The following COX11 variants were observed in gnomAD, a reference collection of about 807,000 sequenced individuals.
The protein encoded by COX11 is cytochrome c oxidase copper chaperone COX11.
A neutral mutation model predicts 29.4 loss-of-function variants in COX11; 18 were observed. The observed-to-expected ratio is 0.61, with a 90% CI of 0.42 to 0.91. COX11 has a LOEUF of 0.91. Ranked by LOEUF, COX11 falls within the 40% of genes least tolerant of loss-of-function variation. COX11 has a pLI of 0.00. For synonymous variants in COX11, 131 were observed against 124.0 expected (o/e 1.06, Z -0.38); for missense variants, 312 against 346.0 (o/e 0.90, Z 0.78).
At chr17:54,952,414 G>A (rs1352112271) in exon 1 of COX11, 1 of 152,008 alleles carries the variant, frequency 6.6e-6, no homozygotes, top group Non-Finnish European at 1.5e-5. Context: ...AGGTGTGGTG[G>A]TGCGCACCTG....
At chr17:54,954,957 G>GCTGTATTA (rs1444945896) in exon 1 of COX11, 1 of 152,170 alleles carries the variant, frequency 6.6e-6, no homozygotes. Flanking sequence ...CTGGAGCCAG[G>GCTGTATTA]CTGTATTACA....
exon 1 of COX11, chr17:54,953,507 G>C (rs1052503684): frequency 6.6e-6 from 1 of 152,320 alleles, no homozygotes; most frequent in Non-Finnish European, 1.5e-5. Context: ...CAGTTACAGG[G>C]AACAGGTACC....
rs2077146951 is a variant in COX11, at chr17:54,962,450, C to T, written c.*283G>A. ...AAGGGAATTATGGAATTAAGCTGAA[C>T]CCATGCCTGCATATTTAAAAAACAA... On this transcript the variant is annotated 3_prime_UTR_variant, in exon 4 of 4. Coordinates refer to ENST00000299335, the MANE Select transcript of COX11 (RefSeq NM_004375.5). 9.5e-7 allele frequency: 1 copy of T among 1,048,752 alleles called. No individual in the cohort carries two copies. The highest frequency in any genetic ancestry group is 5.5e-5 in the Admixed American group (1 of 18,132). 65.0% of individuals were successfully genotyped at this position (1,048,752 alleles called of 1,614,324 possible). A position where few individuals can be genotyped will look rare whatever the true frequency, so the allele number is the denominator to read the frequency against.
chr17:54,953,803 T>C (rs1212801651), exon 1 of COX11: 1 of 152,186 alleles, frequency 6.6e-6, no homozygotes, highest in Non-Finnish European at 1.5e-5. Flanking sequence ...AGTATGTGGA[T>C]TTATTGCCAC....
chr17:54,968,231 A>AC (rs761386270), intron 1 of COX11, 50 bp downstream of exon 1: 11 of 1,579,830 alleles, frequency 7.0e-6, no homozygotes, highest in Non-Finnish European at 3.4e-6. Context: ...TTTGTCTTGC[A>AC]CCCCCACCTC....
downstream of COX11, chr17:54,957,898 C>T (rs1262928695): frequency 1.3e-5 from 2 of 152,160 alleles, no homozygotes; most frequent in Non-Finnish European, 2.9e-5. Flanking sequence ...AGAAATTAGA[C>T]AAACCACCAA....
intron 1 of COX11, among the ~76,000 whole-genome samples, chr17:54,967,901 G>A (rs933025631): frequency 3.9e-5 from 6 of 151,920 alleles, no homozygotes; most frequent in African/African-American, 1.4e-4. Context: ...ACCACATGTG[G>A]TTTGCAGAGT....
chr17:54,957,656 G>C (rs780861709), downstream of COX11: 8 of 152,120 alleles, frequency 5.3e-5, no homozygotes, highest in Non-Finnish European at 1.0e-4. Context: ...TCCCTCCAAG[G>C]AAAAGCACAG....
intron 1 of COX11, 21 bp downstream of exon 1, chr17:54,968,260 G>A (rs2144210172): frequency 6.2e-7 from 1 of 1,600,516 alleles, no homozygotes; most frequent in Non-Finnish European, 8.5e-7. Flanking sequence ...GCGCCACCCT[G>A]CGGGCGGCGC....
At chr17:54,968,765 A>T (rs928970980), upstream of COX11, 3 of 1,234,812 alleles carry the variant, frequency 2.4e-6, no homozygotes, top group Middle Eastern at 3.9e-4. Context: ...CAGGCTCCTC[A>T]GGTGGCAGCG....
rs1172523611 is a variant in COX11, at chr17:54,968,529, A to T, written c.118T>A (p.Trp40Arg). The T allele has an allele frequency of 2.2e-5, 35 of 1,611,846 alleles. No individual in the cohort carries two copies. Among genetic ancestry groups the T allele is most frequent in the Non-Finnish European group, 3.0e-5 (35 of 1,179,676 alleles). Residue 40 changes from tryptophan to arginine, a missense_variant, in exon 1 of 4, where the codon TGG (tryptophan) becomes AGG (arginine). Trp to Arg is a moderately radical substitution (Grantham distance 101, BLOSUM62 -3). Around this residue, in one of 2 missense-constraint regions of COX11, gnomAD observed 130 missense variants for 106.0 expected, o/e 1.23. Transcript: ENST00000299335. Reference sequence around the variant, plus strand: ...CTCTCGGCACCTCCTGTCCCACTCCACTCTGGCCTAAGAAACGGCTCTACC... The same window carrying T: ...CTCTCGGCACCTCCTGTCCCACTCCTCTCTGGCCTAAGAAACGGCTCTACC... ...ERVEPFLRPE[W>R]SGTGGAERGL...
chr17:54,967,820 G>T (rs2077280210), intron 1 of COX11, among the ~76,000 whole-genome samples: 2 of 152,102 alleles, frequency 1.3e-5, no homozygotes, highest in South Asian at 4.1e-4. Context: ...TTGTACGGAG[G>T]AACTGCTAAT....
At chr17:54,960,085 G>A (rs563830897), downstream of COX11, among the ~76,000 whole-genome samples, 7 of 152,172 alleles carry the variant, frequency 4.6e-5, no homozygotes, top group East Asian at 3.9e-4. Flanking sequence ...CAATAAGGCC[G>A]GGTGTGGTGG....
At chr17:54,966,388 G>C (rs1360369126) in intron 1 of COX11, among the ~76,000 whole-genome samples, 1 of 152,178 alleles carries the variant, frequency 6.6e-6, no homozygotes, top group South Asian at 2.1e-4. Context: ...ATCTATGATT[G>C]CATGTGGGCA....
chr17:54,959,888 A>G (rs1027155693), downstream of COX11, among the ~76,000 whole-genome samples: 9 of 151,570 alleles, frequency 5.9e-5, no homozygotes, highest in Non-Finnish European at 1.0e-4. Context: ...GAGTGCTGGG[A>G]TTATAGGTGT....
At chr17:54,953,027 T>C (rs2049313984) in exon 1 of COX11, 1 of 152,246 alleles carries the variant, frequency 6.6e-6, no homozygotes, top group Non-Finnish European at 1.5e-5. Context: ...CATTTCTTCC[T>C]GGATAGGGTC....
chr17:54,952,079 T>C lies in COX11; in HGVS notation n.3071A>G, dbSNP rs531296967. ...ATGTTTTAGGGTCTCCCAGGATAGG[T>C]TGCAAAGGCACCTACAGTTGAAATT... On this transcript the variant is annotated non_coding_transcript_exon_variant, in exon 1 of 1. Transcript: ENST00000572088. 8 of 152,258 alleles carry C rather than the reference T, an allele frequency of 5.3e-5. No homozygotes were observed. In the South Asian group the frequency reaches 6.2e-4, roughly 12 times the overall value. 9.4% of individuals were successfully genotyped at this position (152,258 alleles called of 1,614,324 possible). A position where few individuals can be genotyped will look rare whatever the true frequency, so the allele number is the denominator to read the frequency against.
chr17:54,968,663 A>G, upstream of COX11: 1 of 1,545,358 alleles, frequency 6.5e-7, no homozygotes, highest in Non-Finnish European at 8.7e-7. Context: ...CTGAACTAAC[A>G]CCCACCCGCC....
chr17:54,962,983 CT>C lies in COX11; in HGVS notation c.649-69del. ...ATTACATAACAGAAACTATACAGTT[CT>C]TTTATCTTAGCATTCCAGTACACTT... On this transcript the variant is annotated intron_variant, in intron 3 of 3. Coordinates refer to ENST00000299335, the MANE Select transcript of COX11 (RefSeq NM_004375.5). The C allele has an allele frequency of 2.2e-6, 3 of 1,365,814 alleles. No homozygotes were observed. The South Asian group carries it at 3.9e-5, about 18-fold the overall frequency. The allele number at this position is 1,365,814 out of a possible 1,614,324, so 84.6% of individuals were successfully genotyped here.
Sources: allele counts gnomAD v4.1 joint callset (sites outside exome capture counted in the v4.1 genomes callset), GRCh38; gene constraint gnomAD v4.1.1; regional missense constraint gnomAD v4.1.1; transcripts MANE v1.5; gene names NCBI Gene and HGNC (gene_info 2026-07-23, HGNC 2026-07-21).